Variants in CTNNA2 observed in about 807,000 individuals in gnomAD.
CTNNA2 encodes catenin alpha 2, also known as catenin alpha-2.
In CTNNA2, 42 loss-of-function variants were observed where a neutral mutation model predicts 101.0. The ratio of observed to expected loss-of-function variants is 0.42; its 90% CI spans 0.32 to 0.54. The LOEUF (loss-of-function observed/expected upper bound fraction) is 0.54, where lower values mean the gene tolerates loss of function less well. CTNNA2 is among the 20% of genes least tolerant of loss of function. The pLI, the probability that CTNNA2 is intolerant of heterozygous loss-of-function variation, is 0.14. For missense variants in CTNNA2, 871 were observed against 1,223.1 expected, an observed-to-expected ratio of 0.71 and a Z score of 4.29; for synonymous variants, 450 against 456.4, an observed-to-expected ratio of 0.99 and a Z score of 0.18.
chr2:79,593,107 A>G (rs1676967214), intron 1 of CTNNA2, among the ~76,000 whole-genome samples: 1 of 152,204 alleles, frequency 6.6e-6, no homozygotes, highest in Non-Finnish European at 1.5e-5. Flanking sequence ...ACTTTTGTGT[A>G]AAATCCTACT....
chr2:79,366,801 C>T (rs969458815), intron 3 of CTNNA2, among the ~76,000 whole-genome samples: 1 of 152,146 alleles, frequency 6.6e-6, no homozygotes, highest in Non-Finnish European at 1.5e-5. Flanking sequence ...AGAGAAGCAG[C>T]AGGTATTTTC....
intron 2 of CTNNA2, among the ~76,000 whole-genome samples, chr2:79,306,218 G>A (rs1676240457): frequency 6.6e-6 from 1 of 152,062 alleles, no homozygotes; most frequent in African/African-American, 2.4e-5. Flanking sequence ...ATGGTACTAA[G>A]GGATTGAGGG....
chr2:79,432,374 A>C (rs1678667858), intron 4 of CTNNA2, among the ~76,000 whole-genome samples: 1 of 152,230 alleles, frequency 6.6e-6, no homozygotes, highest in Non-Finnish European at 1.5e-5. Context: ...ACCTAACTCC[A>C]AAATCTATGT....
intron 3 of CTNNA2, among the ~76,000 whole-genome samples, chr2:79,325,800 G>A (rs138059819): frequency 1.6e-3 from 240 of 152,250 alleles, no homozygotes; most frequent in African/African-American, 5.5e-3. Context: ...ATTGCCTCTT[G>A]GCTTCTCTGC....
At chr2:79,759,401 A>T (rs1318751111) in intron 3 of CTNNA2, among the ~76,000 whole-genome samples, 1 of 54,200 alleles carries the variant, frequency 1.8e-5, no homozygotes, top group African/African-American at 1.1e-4. Flanking sequence ...CAAAGATAAT[A>T]ATAATAATAA....
intron 6 of CTNNA2, among the ~76,000 whole-genome samples, chr2:79,877,145 C>T (rs1225145771): frequency 1.3e-5 from 2 of 151,732 alleles, no homozygotes; most frequent in East Asian, 3.9e-4. Context: ...TAAATGTATA[C>T]TGTTTCTCAA....
intron 1 of CTNNA2, among the ~76,000 whole-genome samples, chr2:79,626,517 A>C (rs552675212): frequency 6.6e-6 from 1 of 151,908 alleles, no homozygotes; most frequent in East Asian, 1.9e-4. Context: ...AATTTAACCA[A>C]TCCTGTGCAT....
At chr2:80,137,934 G>A (rs976551463) in intron 7 of CTNNA2, among the ~76,000 whole-genome samples, 1 of 152,124 alleles carries the variant, frequency 6.6e-6, no homozygotes, top group East Asian at 1.9e-4. Flanking sequence ...GGCTTCATAA[G>A]ATGGAAGAAT....
At chr2:80,416,799 A>T (rs1189349643) in intron 8 of CTNNA2, among the ~76,000 whole-genome samples, 1 of 151,982 alleles carries the variant, frequency 6.6e-6, no homozygotes, top group African/African-American at 2.4e-5. Context: ...CATGAGAACA[A>T]TATTCTGAGT....
intron 2 of CTNNA2, among the ~76,000 whole-genome samples, chr2:79,217,383 C>A (rs778601186): frequency 1.4e-4 from 22 of 151,972 alleles, no homozygotes; most frequent in Admixed American, 2.6e-4. Context: ...CACCTGGGTG[C>A]AGGGGGGCTG....
chr2:79,469,903 A>G (rs1018906279), intron 4 of CTNNA2, among the ~76,000 whole-genome samples: 1 of 152,218 alleles, frequency 6.6e-6, no homozygotes, highest in African/African-American at 2.4e-5. Context: ...GCTATTTATG[A>G]CATACCCACA....
At chr2:79,216,093 C>T (rs1224366471) in intron 2 of CTNNA2, among the ~76,000 whole-genome samples, 2 of 151,920 alleles carry the variant, frequency 1.3e-5, no homozygotes, top group Non-Finnish European at 2.9e-5. Flanking sequence ...TATTTTACGA[C>T]AAGAATTATT....
chr2:80,256,195 T>C lies in CTNNA2; in HGVS notation c.1057-137016T>C, dbSNP rs533465975. Reference sequence around the variant, plus strand: ...AAACCCGTTAAAAGGCACAGCCTTTTGTTGCTGCCCTCAGCCATACCATGT... The same window carrying C: ...AAACCCGTTAAAAGGCACAGCCTTTCGTTGCTGCCCTCAGCCATACCATGT... On this transcript the variant is annotated intron_variant, in intron 7 of 18. Coordinates refer to ENST00000402739, the MANE Select transcript of CTNNA2 (RefSeq NM_001282597.3). 1.2e-3 allele frequency among the ~76,000 whole-genome samples: 182 copies of C among 152,214 alleles called. 2 individuals carry two copies. The Middle Eastern group carries it at 0.024, about 20-fold the overall frequency.
At chr2:80,350,676 G>T (rs2149297049) in intron 7 of CTNNA2, among the ~76,000 whole-genome samples, 1 of 152,260 alleles carries the variant, frequency 6.6e-6, no homozygotes, top group Non-Finnish European at 1.5e-5. Flanking sequence ...TTAAATAAAT[G>T]AATGTGGTAA....
intron 2 of CTNNA2, among the ~76,000 whole-genome samples, chr2:79,293,699 C>T (rs1168001088): frequency 2.6e-5 from 4 of 152,080 alleles, no homozygotes; most frequent in Non-Finnish European, 5.9e-5. Context: ...TTTTCAAGGA[C>T]ATGTGTTTGA....
intron 4 of CTNNA2, among the ~76,000 whole-genome samples, chr2:79,374,491 A>C (rs576680337): frequency 1.9e-4 from 27 of 141,752 alleles, no homozygotes; most frequent in Non-Finnish European, 3.5e-4. Context: ...GTTTCCTGGG[A>C]ATAAGCATCA....
chr2:80,589,658 G>A (rs1317306159), intron 15 of CTNNA2, among the ~76,000 whole-genome samples, 173 bp downstream of exon 15: 1 of 152,134 alleles, frequency 6.6e-6, no homozygotes, highest in Non-Finnish European at 1.5e-5. Context: ...CTAGCAGATA[G>A]GTATATCTTT....
chr2:79,224,849 G>GTA (rs1448964711), intron 2 of CTNNA2, among the ~76,000 whole-genome samples: 1 of 151,118 alleles, frequency 6.6e-6, no homozygotes, highest in Non-Finnish European at 1.5e-5. Flanking sequence ...TTCTCGGGCT[G>GTA]TATATATATG....
At chr2:80,279,049 C>CGTGTGTGTGTGTGT (rs3219982) in intron 7 of CTNNA2, among the ~76,000 whole-genome samples, 8,655 of 135,680 alleles carry the variant, frequency 0.064, 380 homozygotes, top group Non-Finnish European at 0.079. Flanking sequence ...ATGACTTTTA[C>CGTGTGTGTGTGTGT]GTGTGTGTGT....
Sources: allele counts gnomAD v4.1 joint callset (sites outside exome capture counted in the v4.1 genomes callset), GRCh38; gene constraint gnomAD v4.1.1; transcripts MANE v1.5; gene names NCBI Gene and HGNC (gene_info 2026-07-23, HGNC 2026-07-21).